Variants in FER observed in about 807,000 individuals in gnomAD.
FER encodes tyrosine-protein kinase Fer.
FER carries 63 observed loss-of-function variants against 111.0 expected under a neutral mutation model. The ratio of observed to expected loss-of-function variants is 0.57; its 90% CI spans 0.46 to 0.70. FER has a LOEUF of 0.70. Ranked by LOEUF, FER falls within the 30% of genes least tolerant of loss-of-function variation. The probability of loss-of-function intolerance (pLI) is 0.00; values close to 1 mark genes in which losing one functional copy is unlikely to be tolerated. For synonymous variants in FER, 327 were observed against 313.9 expected (o/e 1.04, Z -0.44); for missense variants, 914 against 954.0 (o/e 0.96, Z 0.55).
intron 17 of FER, among the ~76,000 whole-genome samples, chr5:109,154,917 C>A (rs779313319): frequency 6.6e-6 from 1 of 151,790 alleles, no homozygotes; most frequent in Non-Finnish European, 1.5e-5. Context: ...GTATTTCTTG[C>A]TCTTGGAATA....
intron 13 of FER, among the ~76,000 whole-genome samples, chr5:108,975,488 T>C (rs1026468645): frequency 6.6e-5 from 10 of 152,134 alleles, no homozygotes; most frequent in Non-Finnish European, 1.5e-5. Flanking sequence ...AGAAAACTAA[T>C]ACAGGAGGTG....
rs1774640913 is a variant in FER at position 109,063,124 on chromosome 5, CTT to C, written c.1924+15928_1924+15929del. Among the ~76,000 whole-genome samples the C allele has an allele frequency of 4.6e-5, 7 of 152,066 alleles. No individual in the cohort carries two copies. In the South Asian group the frequency reaches 1.5e-3, roughly 32 times the overall value. ...TTATTTATATTGTTCTCATAAATGT[CTT>C]TAAGATTTCCATATAAATCTTTCAA... On this transcript the variant is annotated intron_variant, in intron 16 of 19. Transcript: ENST00000281092.
In FER at chr5:109,084,229, A is replaced by G. The variant is rs113709287; in HGVS notation, c.1925-16167A>G. On this transcript the variant is annotated intron_variant, in intron 16 of 19. Coordinates refer to ENST00000281092, the MANE Select transcript of FER (RefSeq NM_005246.4). ...AGAGATTAATTTTGCCTATTTTTGAACTTTATGTGAATGATACTGAACTCT... is the reference window on the plus strand; with the variant it reads ...AGAGATTAATTTTGCCTATTTTTGAGCTTTATGTGAATGATACTGAACTCT... Among the ~76,000 whole-genome samples, 616 of 152,094 alleles carry G rather than the reference A, an allele frequency of 4.1e-3. 1 individual carries two copies. The highest frequency in any genetic ancestry group is 6.3e-3 in the Non-Finnish European group (426 of 67,958).
chr5:109,172,587 A>G (rs933036686), intron 17 of FER, among the ~76,000 whole-genome samples: 2 of 151,522 alleles, frequency 1.3e-5, no homozygotes, highest in African/African-American at 2.4e-5. Context: ...ATACATATGT[A>G]ACTAACCTGC....
chr5:108,947,054 C>G (rs986540859), intron 11 of FER, among the ~76,000 whole-genome samples: 7 of 151,988 alleles, frequency 4.6e-5, no homozygotes, highest in African/African-American at 1.7e-4. Context: ...GAATAATACT[C>G]CATTGTATAT....
intron 5 of FER, among the ~76,000 whole-genome samples, chr5:108,846,371 A>G (rs10035944): frequency 6.6e-6 from 1 of 151,880 alleles, no homozygotes; most frequent in South Asian, 2.1e-4. Flanking sequence ...GCCTAGGAGT[A>G]CGAAGTTATA....
At chr5:109,030,410 A>T (rs911747757) in intron 13 of FER, among the ~76,000 whole-genome samples, 3 of 152,194 alleles carry the variant, frequency 2.0e-5, no homozygotes, top group Non-Finnish European at 2.9e-5. Context: ...CTATTATGTT[A>T]GGACATCTTG....
rs1754940145 is a variant in FER at position 109,152,319 on chromosome 5, T to C, written c.2049-28428T>C. Reference sequence around the variant, plus strand: ...GTTTTAATCTACCAGACTCATCATATAGTTATCTAATTTGTGCCCTGCATT... The same window carrying C: ...GTTTTAATCTACCAGACTCATCATACAGTTATCTAATTTGTGCCCTGCATT... On this transcript the variant is annotated intron_variant, in intron 17 of 19. Coordinates refer to ENST00000281092, the MANE Select transcript of FER (RefSeq NM_005246.4). Among the ~76,000 whole-genome samples the C allele has an allele frequency of 2.0e-5, 3 of 152,004 alleles. No homozygotes were observed. The South Asian group carries it at 6.2e-4, about 31-fold the overall frequency.
At chr5:109,012,810 A>G (rs1022590720) in intron 13 of FER, among the ~76,000 whole-genome samples, 2 of 149,064 alleles carry the variant, frequency 1.3e-5, no homozygotes, top group African/African-American at 2.6e-5. Context: ...AAAAAAATCA[A>G]TGACTATAAA....
intron 14 of FER, among the ~76,000 whole-genome samples, chr5:109,042,596 G>T (rs938811757): frequency 1.3e-5 from 2 of 152,122 alleles, no homozygotes; most frequent in Non-Finnish European, 1.5e-5. Context: ...CAAATGCCTA[G>T]TACATGCCAG....
In FER at chr5:108,761,728, A is replaced by G. The variant is rs186370271; in HGVS notation, c.-205-6365A>G. Among the ~76,000 whole-genome samples, 523 of 152,350 alleles carry G rather than the reference A, an allele frequency of 3.4e-3. 2 individuals carry two copies. The highest frequency in any genetic ancestry group is 0.012 in the African/African-American group (498 of 41,576). On this transcript the variant is annotated intron_variant, in intron 1 of 19. Coordinates refer to ENST00000281092, the MANE Select transcript of FER (RefSeq NM_005246.4). ...GTGAAGTGCAGAAAGTCGAAGTGCA[A>G]TAAAACAAGATATACTTGTCTGATT...
intron 12 of FER, among the ~76,000 whole-genome samples, chr5:108,955,941 G>T (rs1758367269): frequency 6.6e-6 from 1 of 151,740 alleles, no homozygotes; most frequent in South Asian, 2.1e-4. Flanking sequence ...GTAGGATTCA[G>T]TGGCATTTAG....
intron 17 of FER, among the ~76,000 whole-genome samples, chr5:109,152,081 A>G (rs1182393263): frequency 2.6e-5 from 4 of 152,040 alleles, no homozygotes; most frequent in Admixed American, 6.6e-5. Flanking sequence ...TTCCAGGAAA[A>G]ATTTGCCTGT....
chr5:109,034,636 C>T (rs1444585032), intron 13 of FER, among the ~76,000 whole-genome samples: 1 of 151,932 alleles, frequency 6.6e-6, no homozygotes, highest in Non-Finnish European at 1.5e-5. Flanking sequence ...CTCTCCAGTG[C>T]CTTTAAATGG....
chr5:109,108,948 A>T (rs1193564079), intron 17 of FER, among the ~76,000 whole-genome samples: 1 of 152,134 alleles, frequency 6.6e-6, no homozygotes, highest in Non-Finnish European at 1.5e-5. Flanking sequence ...AATATTGTTC[A>T]TCATTTTATT....
At chr5:108,789,309 A>G (rs927325218) in intron 2 of FER, among the ~76,000 whole-genome samples, 1 of 151,992 alleles carries the variant, frequency 6.6e-6, no homozygotes, top group Non-Finnish European at 1.5e-5. Flanking sequence ...TTGGCATGCC[A>G]TCTCCCACTA....
chr5:108,918,282 G>A (rs961078780), intron 10 of FER, among the ~76,000 whole-genome samples: 72 of 152,084 alleles, frequency 4.7e-4, no homozygotes, highest in African/African-American at 1.6e-3. Context: ...TAGTGGCGGT[G>A]CCCTTGACAA....
At chr5:108,844,276 C>G (rs191004228) in intron 5 of FER, among the ~76,000 whole-genome samples, 30 of 152,182 alleles carry the variant, frequency 2.0e-4, no homozygotes, top group African/African-American at 7.2e-4. Flanking sequence ...ACTGTATTTT[C>G]CAACACAACC....
intron 2 of FER, chr5:108,782,873 T>C (rs1426319089): frequency 2.6e-5 from 4 of 152,208 alleles, no homozygotes; most frequent in African/African-American, 7.2e-5. Context: ...GAAAAGGCTA[T>C]TCTTCTTCTA....
Sources: gnomAD v4.1 joint callset for allele counts (sites outside exome capture counted in the v4.1 genomes callset) on GRCh38, gnomAD v4.1.1 for gene constraint, MANE v1.5 for transcripts, NCBI Gene and HGNC (gene_info 2026-07-23, HGNC 2026-07-21) for gene names.